Variants in MAP4K5 observed in about 807,000 individuals in gnomAD.
MAP4K5 encodes the protein mitogen-activated protein kinase kinase kinase kinase 5.
A neutral mutation model predicts 135.6 loss-of-function variants in MAP4K5; 82 were observed. That is an observed-to-expected ratio of 0.60 (90% CI 0.51 to 0.73). MAP4K5 has a LOEUF of 0.73. MAP4K5 is among the 30% of genes least tolerant of loss of function. MAP4K5 has a pLI of 0.00. For missense variants in MAP4K5, 907 were observed against 1,010.9 expected, an observed-to-expected ratio of 0.90 and a Z score of 1.39; for synonymous variants, 347 against 335.0, an observed-to-expected ratio of 1.04 and a Z score of -0.39.
chr14:50,485,601 C>G lies in MAP4K5; in HGVS notation c.299G>C (p.Gly100Ala). ...ACCATGGTAAATATCTTGAAGTGATCCGCCACCACAGTATTCCATACAAAT... is the reference window on the plus strand; with the variant it reads ...ACCATGGTAAATATCTTGAAGTGATGCGCCACCACAGTATTCCATACAAAT... ...LWICMEYCGG[G>A]SLQDIYHVTG... Residue 100 changes from glycine to alanine, a missense_variant, in exon 5 of 33, where the codon GGA becomes GCA. Gly to Ala is a moderately conservative substitution (Grantham distance 60). Around this residue, in one of 3 missense-constraint regions of MAP4K5, gnomAD observed 196 missense variants for 189.3 expected, o/e 1.04. Transcript: ENST00000682126. 1 of 1,552,530 alleles carries G rather than the reference C, an allele frequency of 6.4e-7. No individual in the cohort carries two copies. The highest frequency in any genetic ancestry group is 8.7e-7 in the Non-Finnish European group (1 of 1,145,838).
At chr14:50,521,292 G>T (rs1212322028) in intron 2 of MAP4K5, among the ~76,000 whole-genome samples, 1 of 152,166 alleles carries the variant, frequency 6.6e-6, no homozygotes, top group Non-Finnish European at 1.5e-5. Flanking sequence ...TCAGTAGAGG[G>T]GTAAGGCTTC....
chr14:50,495,527 T>G (rs757842887), intron 3 of MAP4K5, among the ~76,000 whole-genome samples: 1 of 152,156 alleles, frequency 6.6e-6, no homozygotes, highest in Admixed American at 6.5e-5. Flanking sequence ...AAATTAAAGG[T>G]GGAACTATCA....
chr14:50,429,377 A>G, intron 28 of MAP4K5, 117 bp from the exon 29 acceptor site: 1 of 620,990 alleles, frequency 1.6e-6, no homozygotes. Context: ...TTAACACAGA[A>G]TTTATATTTT....
At chr14:50,513,531 T>C (rs1054712914) in intron 2 of MAP4K5, among the ~76,000 whole-genome samples, 8 of 151,960 alleles carry the variant, frequency 5.3e-5, no homozygotes, top group Non-Finnish European at 8.8e-5. Context: ...AATCAATACA[T>C]AGTAATACAT....
rs117759439 is a variant in MAP4K5 at position 50,501,214 on chromosome 14, G to A, written c.166+3586C>T. On this transcript the variant is annotated intron_variant, in intron 3 of 32. Coordinates refer to ENST00000682126, the MANE Select transcript of MAP4K5 (RefSeq NM_006575.6). ...AGTTGAAAATTGGGGGGATGATGAGGCAGGAAGAGTATAAATATGCAAATT... is the reference window on the plus strand; with the variant it reads ...AGTTGAAAATTGGGGGGATGATGAGACAGGAAGAGTATAAATATGCAAATT... 5.8e-3 allele frequency among the ~76,000 whole-genome samples: 878 copies of A among 152,180 alleles called. 3 individuals are homozygous for A. The highest frequency in any genetic ancestry group is 0.01 in the Non-Finnish European group (687 of 68,006).
intron 10 of MAP4K5, among the ~76,000 whole-genome samples, chr14:50,467,436 A>C (rs2036857614): frequency 6.6e-6 from 1 of 151,978 alleles, no homozygotes; most frequent in Non-Finnish European, 1.5e-5. Flanking sequence ...TAATCTTTTT[A>C]GTCTTTATCT....
intron 2 of MAP4K5, among the ~76,000 whole-genome samples, chr14:50,529,190 C>G (rs952036858): frequency 1.3e-5 from 2 of 151,872 alleles, no homozygotes; most frequent in African/African-American, 4.8e-5. Flanking sequence ...CGAGACCAGA[C>G]TGGGAAACAT....
intron 2 of MAP4K5, among the ~76,000 whole-genome samples, chr14:50,507,500 C>A (rs1460481656): frequency 1.3e-5 from 2 of 152,180 alleles, no homozygotes; most frequent in African/African-American, 2.4e-5. Flanking sequence ...TATAAATTTC[C>A]TTCTATACAC....
chr14:50,510,391 T>A (rs1014608567), intron 2 of MAP4K5, among the ~76,000 whole-genome samples: 1 of 152,206 alleles, frequency 6.6e-6, no homozygotes, highest in African/African-American at 2.4e-5. Context: ...GAATTCAGTT[T>A]AGTTATCACC....
intron 30 of MAP4K5, among the ~76,000 whole-genome samples, chr14:50,426,676 ATCACG>A (rs1196406599): frequency 1.3e-5 from 2 of 152,248 alleles, no homozygotes; most frequent in African/African-American, 4.8e-5. Context: ...GTGAGCCGAG[ATCACG>A]TCACTTCACT....
chr14:50,430,724 G>T (rs1484878795), intron 28 of MAP4K5, among the ~76,000 whole-genome samples: 6 of 152,044 alleles, frequency 3.9e-5, no homozygotes, highest in Non-Finnish European at 5.9e-5. Flanking sequence ...TCTGATATAG[G>T]ACTGAGCTAC....
chr14:50,559,988 C>CT (rs1432940879), intron 1 of MAP4K5: 1 of 528,930 alleles, frequency 1.9e-6, no homozygotes, highest in Non-Finnish European at 3.4e-6. Flanking sequence ...GGTACGTGGT[C>CT]TATCACTGTC....
intron 1 of MAP4K5, among the ~76,000 whole-genome samples, chr14:50,554,432 A>C (rs1268841677): frequency 1.3e-5 from 2 of 152,012 alleles, no homozygotes; most frequent in African/African-American, 4.8e-5. Context: ...TTCCCCTCAT[A>C]CCCCACTCAA....
chr14:50,428,783 G>T, intron 29 of MAP4K5, 29 bp from the exon 30 acceptor site: 1 of 1,049,632 alleles, frequency 9.5e-7, no homozygotes, highest in Non-Finnish European at 1.4e-6. Context: ...GTCAAGACTG[G>T]ACATGCAAAT....
chr14:50,462,011 A>C (rs115958493), intron 13 of MAP4K5, among the ~76,000 whole-genome samples: 1,840 of 152,328 alleles, frequency 0.012, 42 homozygotes, highest in African/African-American at 0.042. Flanking sequence ...TAATTATATA[A>C]GAAATAATAG....
intron 2 of MAP4K5, among the ~76,000 whole-genome samples, chr14:50,517,676 G>A (rs1034533535): frequency 6.6e-6 from 1 of 152,042 alleles, no homozygotes; most frequent in Admixed American, 6.5e-5. Context: ...GGCTGTGGCA[G>A]GAGAATTGCT....
chr14:50,541,937 G>A (rs973302911), intron 2 of MAP4K5, among the ~76,000 whole-genome samples: 1 of 140,354 alleles, frequency 7.1e-6, no homozygotes, highest in Non-Finnish European at 1.5e-5. Flanking sequence ...AACCCAGGAG[G>A]CAGAGCTTGT....
chr14:50,502,643 G>A (rs1054342772), intron 3 of MAP4K5, among the ~76,000 whole-genome samples: 9 of 151,872 alleles, frequency 5.9e-5, no homozygotes, highest in Non-Finnish European at 1.3e-4. Flanking sequence ...TTACAAACAG[G>A]AAATACCTGA....
chr14:50,496,421 T>C (rs1462661881), intron 3 of MAP4K5, among the ~76,000 whole-genome samples: 2 of 152,162 alleles, frequency 1.3e-5, no homozygotes, highest in Admixed American at 6.5e-5. Flanking sequence ...TAAAATGATG[T>C]GAGCATAGCC....
Sources: gnomAD v4.1 joint callset for allele counts (sites outside exome capture counted in the v4.1 genomes callset) on GRCh38, gnomAD v4.1.1 for gene constraint, gnomAD v4.1.1 regional missense constraint, MANE v1.5 for transcripts, NCBI Gene and HGNC (gene_info 2026-07-23, HGNC 2026-07-21) for gene names.